The following MACROD2 variants were observed in gnomAD, a reference collection of about 807,000 sequenced individuals.
MACROD2 encodes mono-ADP ribosylhydrolase 2.
Under a neutral mutation model 70.4 loss-of-function variants are expected in MACROD2, and 36 were observed. That is an observed-to-expected ratio of 0.51 (90% CI 0.39 to 0.68). MACROD2 has a LOEUF of 0.68. Among genes scored for constraint, MACROD2 ranks in the 30% least tolerant of loss-of-function variants. MACROD2 has a pLI of 0.00. For missense variants in MACROD2, 496 were observed against 538.4 expected (o/e 0.92, Z 0.78); for synonymous variants, 172 against 178.8 (o/e 0.96, Z 0.30).
At chr20:14,327,032 G>A (rs746867958) in intron 3 of MACROD2, 1 of 1,613,768 alleles carries the variant, frequency 6.2e-7, no homozygotes, top group Non-Finnish European at 8.5e-7. Context: ...GACAGGAAAA[G>A]CAGTCGGAGA....
intron 5 of MACROD2, among the ~76,000 whole-genome samples, chr20:14,886,469 G>A (rs1263985904): frequency 6.6e-6 from 1 of 152,128 alleles, no homozygotes; most frequent in Non-Finnish European, 1.5e-5. Flanking sequence ...TTTGAGAAGA[G>A]GAGTGACCTG....
At chr20:14,520,916 C>T (rs771362975) in intron 4 of MACROD2, among the ~76,000 whole-genome samples, 13 of 151,752 alleles carry the variant, frequency 8.6e-5, no homozygotes, top group Non-Finnish European at 1.5e-4. Context: ...TAGATACACA[C>T]AGACACAGAT....
At chr20:14,475,527 C>T (rs1340144071) in intron 3 of MACROD2, among the ~76,000 whole-genome samples, 2 of 151,746 alleles carry the variant, frequency 1.3e-5, no homozygotes, top group Non-Finnish European at 2.9e-5. Context: ...TCTTTTCACA[C>T]ATTAGCATCC....
intron 6 of MACROD2, among the ~76,000 whole-genome samples, chr20:15,284,642 A>G (rs1170074322): frequency 2.6e-5 from 4 of 152,180 alleles, no homozygotes; most frequent in Non-Finnish European, 4.4e-5. Context: ...GGATTATCAG[A>G]GTCCTGGCCC....
intron 5 of MACROD2, among the ~76,000 whole-genome samples, chr20:15,205,170 G>A (rs1024738525): frequency 2.0e-5 from 3 of 152,172 alleles, no homozygotes; most frequent in South Asian, 4.2e-4. Flanking sequence ...AAATATCACC[G>A]AAGATCACCA....
chr20:14,970,741 C>T (rs2074683153), intron 5 of MACROD2, among the ~76,000 whole-genome samples: 1 of 152,098 alleles, frequency 6.6e-6, no homozygotes, highest in Non-Finnish European at 1.5e-5. Context: ...TCCTTAACCT[C>T]TTGGGCTCAA....
chr20:14,545,088 ACT>A (rs1263366424), intron 4 of MACROD2, among the ~76,000 whole-genome samples: 1 of 152,104 alleles, frequency 6.6e-6, no homozygotes, highest in African/African-American at 2.4e-5. Context: ...CACTATATTC[ACT>A]CTCTGAGAGA....
At chr20:14,973,500 GGCATGAGCCACC>G (rs2074710953) in intron 5 of MACROD2, among the ~76,000 whole-genome samples, 1 of 152,102 alleles carries the variant, frequency 6.6e-6, no homozygotes, top group African/African-American at 2.4e-5. Context: ...TGGGATTACA[GGCATGAGCCACC>G]GCACCTGGCC....
intron 11 of MACROD2, 161 bp downstream of exon 11, chr20:15,933,499 A>C: frequency 1.7e-6 from 1 of 574,410 alleles, no homozygotes. Context: ...TCCGATAACT[A>C]TGAGTTGAGT....
intron 5 of MACROD2, among the ~76,000 whole-genome samples, chr20:14,710,617 A>G (rs1184743999): frequency 6.6e-6 from 1 of 152,174 alleles, no homozygotes; most frequent in African/African-American, 2.4e-5. Context: ...TTTAAAAGTT[A>G]AAAGATCTCT....
intron 4 of MACROD2, among the ~76,000 whole-genome samples, chr20:14,561,568 G>A (rs543859106): frequency 6.6e-6 from 1 of 151,782 alleles, no homozygotes; most frequent in South Asian, 2.1e-4. Context: ...GGTTTTCATT[G>A]TTCATTTGGG....
At chr20:14,383,744 A>G (rs2083445534) in intron 3 of MACROD2, among the ~76,000 whole-genome samples, 1 of 152,162 alleles carries the variant, frequency 6.6e-6, no homozygotes, top group Non-Finnish European at 1.5e-5. Flanking sequence ...CACTTCAGAA[A>G]CTTTATTTAT....
At position 15,874,475 on chromosome 20, in the gene MACROD2, T is replaced by C. The variant is rs963499167; in HGVS notation, c.728-11289T>C. Among the ~76,000 whole-genome samples, 15 of 152,232 alleles carry C rather than the reference T, an allele frequency of 9.9e-5. No individual in the cohort carries two copies. In the East Asian group the frequency reaches 1.7e-3, roughly 18 times the overall value. On this transcript the variant is annotated intron_variant, in intron 9 of 17. Transcript: ENST00000684519. ...AAATGGTATTTCTAGTTCTAGATCC[T>C]TGAGGAATCGCCACACTGCCTTCCA...
chr20:14,617,228 G>A (rs1036355190), intron 4 of MACROD2, among the ~76,000 whole-genome samples: 1 of 152,026 alleles, frequency 6.6e-6, no homozygotes, highest in Non-Finnish European at 1.5e-5. Flanking sequence ...TTTTAACTCC[G>A]AGATTCAACA....
intron 8 of MACROD2, among the ~76,000 whole-genome samples, chr20:15,668,357 C>T (rs2049930351): frequency 6.6e-6 from 1 of 151,980 alleles, no homozygotes; most frequent in African/African-American, 2.4e-5. Flanking sequence ...CACCTGAGGT[C>T]GGGGGTTCAA....
intron 8 of MACROD2, among the ~76,000 whole-genome samples, chr20:15,648,685 T>C (rs539517490): frequency 3.3e-4 from 50 of 152,258 alleles, no homozygotes; most frequent in African/African-American, 1.2e-3. Flanking sequence ...AATAGATACA[T>C]AGATGAACAG....
At chr20:14,970,014 C>A (rs2074676070) in intron 5 of MACROD2, among the ~76,000 whole-genome samples, 1 of 152,050 alleles carries the variant, frequency 6.6e-6, no homozygotes, top group Non-Finnish European at 1.5e-5. Flanking sequence ...TTGTATTAGT[C>A]CATTCTCACG....
intron 3 of MACROD2, among the ~76,000 whole-genome samples, chr20:14,429,427 T>TCTC (rs1489300888): frequency 1.3e-5 from 2 of 152,160 alleles, no homozygotes. Context: ...ATATTCAGTA[T>TCTC]CTCCACAAGG....
At chr20:15,470,627 TG>T (rs1006038084) in intron 7 of MACROD2, among the ~76,000 whole-genome samples, 16 of 152,180 alleles carry the variant, frequency 1.1e-4, no homozygotes, top group Admixed American at 9.8e-4. Flanking sequence ...ACAACCCTCA[TG>T]GGCTCTCCCT....
Sources: allele counts gnomAD v4.1 joint callset (sites outside exome capture counted in the v4.1 genomes callset), GRCh38; gene constraint gnomAD v4.1.1; transcripts MANE v1.5; gene names NCBI Gene and HGNC (gene_info 2026-07-23, HGNC 2026-07-21).